The following FAM124B variants were observed in gnomAD, a reference collection of about 807,000 sequenced individuals.
The protein encoded by FAM124B is family with sequence similarity 124 member B.
A neutral mutation model predicts 19.7 loss-of-function variants in FAM124B; 18 were observed. That is an observed-to-expected ratio of 0.92 (90% CI 0.63 to 1.36). The LOEUF (loss-of-function observed/expected upper bound fraction) is 1.36. Ranked by LOEUF, FAM124B falls within the 40% of genes most tolerant of loss-of-function variation. The pLI is 0.00. For synonymous variants in FAM124B, 223 were observed against 225.2 expected, an observed-to-expected ratio of 0.99 and a Z score of 0.09; for missense variants, 540 against 553.3, an observed-to-expected ratio of 0.98 and a Z score of 0.24.
At chr2:224,392,272 C>CATCT (rs1689900885) in intron 1 of FAM124B, among the ~76,000 whole-genome samples, 1 of 152,016 alleles carries the variant, frequency 6.6e-6, no homozygotes, top group Non-Finnish European at 1.5e-5. Context: ...GCAAGACTCC[C>CATCT]ATCTCTACAA....
At position 224,401,537 on chromosome 2, in the gene FAM124B, C is replaced by G. The variant is rs1341837915; in HGVS notation, c.232G>C (p.Gly78Arg). ...AGGACGCGAAATAGCCTATCCTCTC[C>G]CGGGCTTTCGTGCAGGAAGAGCAAC... ...SVLLFLHESPGEDRLFRVLDS... is the reference protein window; with the variant it reads ...SVLLFLHESPREDRLFRVLDS... Residue 78 changes from glycine to arginine, a missense_variant, in exon 1 of 2, where the codon GGA (glycine) becomes CGA (arginine). Gly to Arg is a moderately radical substitution (Grantham distance 125, BLOSUM62 -2). Coordinates refer to ENST00000409685, the MANE Select transcript of FAM124B (RefSeq NM_001122779.2). The G allele has an allele frequency of 1.9e-6, 3 of 1,614,020 alleles. No homozygotes were observed. The African/African-American group carries it at 4.0e-5, about 22-fold the overall frequency.
intron 1 of FAM124B, among the ~76,000 whole-genome samples, chr2:224,387,176 T>G (rs1689812681): frequency 6.6e-6 from 1 of 152,220 alleles, no homozygotes; most frequent in Non-Finnish European, 1.5e-5. Context: ...TTTGTAGGAA[T>G]TCTGATCATT....
chr2:224,398,802 C>T (rs547734126), intron 1 of FAM124B, among the ~76,000 whole-genome samples: 3 of 152,086 alleles, frequency 2.0e-5, no homozygotes, highest in Non-Finnish European at 4.4e-5. Flanking sequence ...ATAGTGAAAC[C>T]CCATCTCCAC....
chr2:224,400,522 T>A (rs1442610885), intron 1 of FAM124B: 4 of 686,788 alleles, frequency 5.8e-6, no homozygotes, highest in Admixed American at 4.2e-5. Context: ...AATAAAAAAA[T>A]TAAAAATTAA....
intron 1 of FAM124B, among the ~76,000 whole-genome samples, chr2:224,382,210 C>T (rs1489794102): frequency 2.0e-5 from 3 of 152,244 alleles, no homozygotes; most frequent in African/African-American, 7.2e-5. Flanking sequence ...CTATCCAACT[C>T]TGCTGCAGAG....
chr2:224,400,402 A>C (rs1559312368), intron 1 of FAM124B: 7 of 685,898 alleles, frequency 1.0e-5, no homozygotes, highest in Non-Finnish European at 1.3e-5. Flanking sequence ...GCTAATCAGG[A>C]GGCTAAGGCA....
At chr2:224,394,193 CT>C (rs1689933364) in intron 1 of FAM124B, among the ~76,000 whole-genome samples, 1 of 152,112 alleles carries the variant, frequency 6.6e-6, no homozygotes, top group Admixed American at 6.5e-5. Flanking sequence ...CAGGCACTCT[CT>C]TTACCTCTTC....
At chr2:224,382,170 G>T (rs1689732060) in intron 1 of FAM124B, among the ~76,000 whole-genome samples, 1 of 152,168 alleles carries the variant, frequency 6.6e-6, no homozygotes, top group African/African-American at 2.4e-5. Flanking sequence ...AATATCTGAG[G>T]GTTTGCCGGC....
At chr2:224,386,905 T>C (rs1689808004) in intron 1 of FAM124B, among the ~76,000 whole-genome samples, 2 of 152,364 alleles carry the variant, frequency 1.3e-5, no homozygotes, top group South Asian at 2.1e-4. Flanking sequence ...ACATAAAGTC[T>C]TAAGAAAATT....
At chr2:224,391,057 AC>A (rs1438909936) in intron 1 of FAM124B, among the ~76,000 whole-genome samples, 13 of 147,366 alleles carry the variant, frequency 8.8e-5, no homozygotes, top group African/African-American at 3.2e-4. Flanking sequence ...AAAAAGAAAC[AC>A]TTGGCAGGGT....
At chr2:224,380,649 T>A (rs1426611366) in intron 1 of FAM124B, among the ~76,000 whole-genome samples, 1 of 152,236 alleles carries the variant, frequency 6.6e-6, no homozygotes, top group Admixed American at 6.5e-5. Context: ...AAGAATTCAA[T>A]CTTCCAAAGC....
rs571645884 is a variant in FAM124B at position 224,382,297 on chromosome 2, A to G, written c.733-2089T>C. Reference sequence around the variant, plus strand: ...ATGAACACTGAAATTTGAATCTCATATTTTTTATGTGTCATGAATTTTTTT... The same window carrying G: ...ATGAACACTGAAATTTGAATCTCATGTTTTTTATGTGTCATGAATTTTTTT... On this transcript the variant is annotated intron_variant, in intron 1 of 1. Coordinates refer to ENST00000409685, the MANE Select transcript of FAM124B (RefSeq NM_001122779.2). Among the ~76,000 whole-genome samples the G allele has an allele frequency of 3.3e-5, 5 of 151,608 alleles. No individual in the cohort carries two copies. In the South Asian group the frequency reaches 1.0e-3, roughly 32 times the overall value.
chr2:224,381,164 C>T (rs1208228245), intron 1 of FAM124B, among the ~76,000 whole-genome samples: 1 of 152,288 alleles, frequency 6.6e-6, no homozygotes, highest in East Asian at 1.9e-4. Context: ...GCAATAAATA[C>T]TACTAACTGA....
chr2:224,397,801 C>G (rs955497643), intron 1 of FAM124B, among the ~76,000 whole-genome samples: 1 of 152,176 alleles, frequency 6.6e-6, no homozygotes, highest in East Asian at 1.9e-4. Flanking sequence ...TTTAGGGTAT[C>G]TGGCAGAAGA....
chr2:224,395,001 C>T (rs1264635699), intron 1 of FAM124B, among the ~76,000 whole-genome samples: 3 of 152,222 alleles, frequency 2.0e-5, no homozygotes, highest in African/African-American at 7.2e-5. Context: ...CCCACAGGGC[C>T]ATGAAATATA....
rs542674909 is a variant in FAM124B, at chr2:224,393,922, C to T, written c.732+7115G>A. ...TAGCAGCAGTTACTGGTGGAGGACA[C>T]AGGGCCTGCAGCAGGTGCTGATCTC... On this transcript the variant is annotated intron_variant, in intron 1 of 1. Coordinates refer to ENST00000409685, the MANE Select transcript of FAM124B (RefSeq NM_001122779.2). Among the ~76,000 whole-genome samples, 3 of 152,282 alleles carry T rather than the reference C, an allele frequency of 2.0e-5. No individual in the cohort carries two copies. The South Asian group carries it at 6.2e-4, about 32-fold the overall frequency.
intron 1 of FAM124B, among the ~76,000 whole-genome samples, chr2:224,384,231 G>A (rs2106078120): frequency 6.6e-6 from 1 of 152,204 alleles, no homozygotes; most frequent in Non-Finnish European, 1.5e-5. Context: ...TTTAAGCCAG[G>A]CATTCTGAGG....
chr2:224,379,042 T>G lies in FAM124B; in HGVS notation c.*531A>C, dbSNP rs969227655. On this transcript the variant is annotated 3_prime_UTR_variant, in exon 2 of 2. Coordinates refer to ENST00000409685, the MANE Select transcript of FAM124B (RefSeq NM_001122779.2). Reference sequence around the variant, plus strand: ...TTATAATTTTCAAAACACTTTGCATTTTCACTCATTCCAGATACAAACAAC... The same window carrying G: ...TTATAATTTTCAAAACACTTTGCATGTTCACTCATTCCAGATACAAACAAC... The G allele has an allele frequency of 1.3e-5, 2 of 152,578 alleles. No homozygotes were observed. Among genetic ancestry groups the G allele is most frequent in the Non-Finnish European group, 2.9e-5 (2 of 68,318 alleles). The allele number at this position is 152,578 out of a possible 1,614,324, so 9.5% of individuals were successfully genotyped here. A position where few individuals can be genotyped will look rare whatever the true frequency, so the allele number is the denominator to read the frequency against.
chr2:224,380,898 C>T (rs535147887), intron 1 of FAM124B, among the ~76,000 whole-genome samples: 1 of 152,146 alleles, frequency 6.6e-6, no homozygotes, highest in Non-Finnish European at 1.5e-5. Flanking sequence ...CTTACAGACA[C>T]CACTCAGCAA....
Sources: allele counts gnomAD v4.1 joint callset (sites outside exome capture counted in the v4.1 genomes callset), GRCh38; gene constraint gnomAD v4.1.1; transcripts MANE v1.5; gene names NCBI Gene and HGNC (gene_info 2026-07-23, HGNC 2026-07-21).